PCCA: variants seen among roughly 807,000 people sequenced by gnomAD.
PCCA encodes the protein propionyl-CoA carboxylase alpha chain, mitochondrial.
PCCA carries 74 observed loss-of-function variants against 101.3 expected under a neutral mutation model. That is an observed-to-expected ratio of 0.73 (90% confidence interval 0.61 to 0.89). The LOEUF (loss-of-function observed/expected upper bound fraction) is 0.89, where lower values mean the gene tolerates loss of function less well. PCCA is among the 40% of genes least tolerant of loss of function. PCCA has a pLI of 0.00. For synonymous variants in PCCA, 294 were observed against 313.6 expected (o/e 0.94, Z 0.66); for missense variants, 891 against 907.0 (o/e 0.98, Z 0.23).
intron 21 of PCCA, among the ~76,000 whole-genome samples, chr13:100,460,183 G>A (rs1225922304): frequency 6.6e-6 from 1 of 152,222 alleles, no homozygotes; most frequent in Non-Finnish European, 1.5e-5. Flanking sequence ...CTGTGAGTCT[G>A]TGTACATCAG....
chr13:100,153,053 A>G (rs1281861646), intron 4 of PCCA, among the ~76,000 whole-genome samples: 1 of 152,092 alleles, frequency 6.6e-6, no homozygotes, highest in Admixed American at 6.6e-5. Flanking sequence ...GTAGGTGTAG[A>G]TTTTTACCTT....
rs529889214 is a variant in PCCA, at chr13:100,304,882, T to G, written c.1284+1884T>G. ...ATGCTTCATTAAGCCTGAGATTTAT[T>G]AATATGGCAGAGGTGAAGATTTCCT... On this transcript the variant is annotated intron_variant, in intron 14 of 23. Transcript: ENST00000376285. 4.1e-4 allele frequency among the ~76,000 whole-genome samples: 63 copies of G among 152,324 alleles called. 1 individual carries two copies. In the South Asian group the frequency reaches 8.7e-3, roughly 21 times the overall value.
At chr13:100,262,634 T>C (rs2062599362) in intron 9 of PCCA, 95 bp from the exon 10 acceptor site, 2 of 743,180 alleles carry the variant, frequency 2.7e-6, no homozygotes, top group Non-Finnish European at 4.9e-6. Flanking sequence ...ATGATAGCTC[T>C]ATTTGTTTTG....
At chr13:100,264,015 G>A (rs1290782301) in intron 10 of PCCA, among the ~76,000 whole-genome samples, 2 of 142,186 alleles carry the variant, frequency 1.4e-5, no homozygotes, top group Admixed American at 7.2e-5. Context: ...GTATATATAC[G>A]GTATCTGTAT....
intron 4 of PCCA, among the ~76,000 whole-genome samples, chr13:100,118,051 G>A (rs1220507013): frequency 6.6e-6 from 1 of 150,994 alleles, no homozygotes; most frequent in Non-Finnish European, 1.5e-5. Flanking sequence ...GGGAGGCGGA[G>A]CTTGCAGTGA....
chr13:100,425,557 T>C, intron 19 of PCCA, 76 bp from the exon 20 acceptor site: 1 of 977,252 alleles, frequency 1.0e-6, no homozygotes, highest in Non-Finnish European at 1.6e-6. Flanking sequence ...TGGCTGCTGC[T>C]TTGTATGCAG....
chr13:100,435,192 T>C (rs576873962), intron 20 of PCCA, among the ~76,000 whole-genome samples: 1 of 152,304 alleles, frequency 6.6e-6, no homozygotes, highest in East Asian at 1.9e-4. Context: ...CTGCTCAGCT[T>C]CTGGGGAGGG....
chr13:100,457,248 A>G (rs759688527), intron 21 of PCCA, among the ~76,000 whole-genome samples: 13 of 152,192 alleles, frequency 8.5e-5, no homozygotes, highest in Non-Finnish European at 1.5e-4. Flanking sequence ...TATTTTCTTT[A>G]ATATACTGAA....
intron 19 of PCCA, among the ~76,000 whole-genome samples, chr13:100,410,257 T>C (rs1040562280): frequency 3.9e-5 from 6 of 152,272 alleles, no homozygotes; most frequent in African/African-American, 1.4e-4. Context: ...TTGTTTTGTT[T>C]TTTTGAGACG....
chr13:100,254,019 G>C lies in PCCA; in HGVS notation c.638-3576G>C, dbSNP rs570019577. On this transcript the variant is annotated intron_variant, in intron 8 of 23. Coordinates refer to ENST00000376285, the MANE Select transcript of PCCA (RefSeq NM_000282.4). Reference sequence around the variant, plus strand: ...TGTATAAAGAAAAAGAGGTTTAATGGGCTCACAGTTACACATGGCTGGGGA... The same window carrying C: ...TGTATAAAGAAAAAGAGGTTTAATGCGCTCACAGTTACACATGGCTGGGGA... Among the ~76,000 whole-genome samples the C allele has an allele frequency of 2.0e-5, 3 of 152,116 alleles. No individual in the cohort carries two copies. The South Asian group carries it at 6.2e-4, about 32-fold the overall frequency.
chr13:100,528,646 A>G (rs1038747265), intron 23 of PCCA, among the ~76,000 whole-genome samples: 1 of 152,162 alleles, frequency 6.6e-6, no homozygotes, highest in East Asian at 1.9e-4. Flanking sequence ...GGTGTATGCC[A>G]GGGGCTCCTG....
intron 21 of PCCA, 142 bp from the exon 22 acceptor site, chr13:100,515,285 T>A: frequency 1.3e-6 from 1 of 747,762 alleles, no homozygotes; most frequent in Admixed American, 2.0e-5. Context: ...TTTTGATGTG[T>A]GCAGCAATTG....
chr13:100,140,231 C>T (rs1328217701), intron 4 of PCCA, among the ~76,000 whole-genome samples: 2 of 152,020 alleles, frequency 1.3e-5, no homozygotes, highest in South Asian at 2.1e-4. Context: ...GTGTCCAGGA[C>T]GTGTAAAGAG....
At chr13:100,309,792 A>AATAT (rs146754385) in intron 15 of PCCA, 41 bp from the exon 16 acceptor site, 5 of 1,187,740 alleles carry the variant, frequency 4.2e-6, no homozygotes, top group Admixed American at 3.7e-5. Context: ...CATAGTTCTA[A>AATAT]ATATATATAT....
intron 6 of PCCA, among the ~76,000 whole-genome samples, chr13:100,207,347 C>T (rs1377383563): frequency 6.6e-6 from 1 of 152,030 alleles, no homozygotes; most frequent in East Asian, 1.9e-4. Flanking sequence ...CTTTTCTACT[C>T]ATTTTCTCTG....
chr13:100,466,792 G>A (rs1289839652), intron 21 of PCCA, among the ~76,000 whole-genome samples: 2 of 152,052 alleles, frequency 1.3e-5, no homozygotes, highest in African/African-American at 2.4e-5. Context: ...CAGGAGGCGG[G>A]GGTTGCAGTG....
chr13:100,249,971 A>AT (rs1457486120), intron 8 of PCCA, among the ~76,000 whole-genome samples: 2 of 152,022 alleles, frequency 1.3e-5, no homozygotes, highest in Non-Finnish European at 1.5e-5. Context: ...GTTATTGCTG[A>AT]TTTTTTTGGA....
chr13:100,089,280 C>T, intron 1 of PCCA, 55 bp downstream of exon 1: 1 of 1,371,136 alleles, frequency 7.3e-7, no homozygotes, highest in Non-Finnish European at 9.4e-7. Context: ...CTAGCCGTGC[C>T]GCCTCTGGGC....
At chr13:100,326,353 G>A (rs2068681726) in intron 16 of PCCA, among the ~76,000 whole-genome samples, 1 of 152,174 alleles carries the variant, frequency 6.6e-6, no homozygotes, top group African/African-American at 2.4e-5. Flanking sequence ...AGAGGATGAA[G>A]AAGAAGACAT....
Sources: allele counts gnomAD v4.1 joint callset (sites outside exome capture counted in the v4.1 genomes callset), GRCh38; gene constraint gnomAD v4.1.1; transcripts MANE v1.5; gene names NCBI Gene and HGNC (gene_info 2026-07-23, HGNC 2026-07-21).